Variants in ADAT3 observed in about 807,000 individuals in gnomAD.
The protein encoded by ADAT3 is adenosine deaminase tRNA specific 3, also known as tRNA-specific adenosine-34 deaminase regulatory subunit ADAT3.
ADAT3 carries 2 observed loss-of-function variants against 3.5 expected under a neutral mutation model. That is an observed-to-expected ratio of 0.57 (90% CI 0.23 to 1.79). ADAT3 has a LOEUF of 1.79. ADAT3 is among the 40% of genes most tolerant of loss of function. The probability of loss-of-function intolerance (pLI) is 0.18; values close to 1 mark genes in which losing one functional copy is unlikely to be tolerated. For missense variants in ADAT3, 735 were observed against 571.4 expected (o/e 1.29, Z -2.92); for synonymous variants, 358 against 270.3 (o/e 1.32, Z -3.18).
chr19:1,906,885 T>TGTGTGTGTGTGTGG, intron 1 of ADAT3: 1 of 137,852 alleles, frequency 7.3e-6, no homozygotes, highest in South Asian at 2.3e-4. Flanking sequence ...TGTGTGTGTG[T>TGTGTGTGTGTGTGG]GTGTAAAGAA....
At position 1,909,347 on chromosome 19, in the gene ADAT3, C is replaced by G. The variant is rs548996001; in HGVS notation, c.-158-2543C>G. 3.9e-5 allele frequency among the ~76,000 whole-genome samples: 6 copies of G among 152,336 alleles called. No individual in the cohort carries two copies. In the South Asian group the frequency reaches 1.0e-3, roughly 26 times the overall value. ...CACGCCTGCCTCTCTGCTGTGCTGTCTGCCCGCCTAGGGCAGGCTCCCTTC... is the reference window on the plus strand; with the variant it reads ...CACGCCTGCCTCTCTGCTGTGCTGTGTGCCCGCCTAGGGCAGGCTCCCTTC... On this transcript the variant is annotated intron_variant, in intron 1 of 1. Coordinates refer to ENST00000329478, the MANE Select transcript of ADAT3 (RefSeq NM_138422.4).
At position 1,912,587 on chromosome 19, in the gene ADAT3, C is replaced by T. The variant is rs954652845; in HGVS notation, c.540C>T (p.Leu180=). 183 of 1,494,648 alleles carry T rather than the reference C, an allele frequency of 1.2e-4. No individual in the cohort carries two copies. The highest frequency in any genetic ancestry group is 3.1e-4 in the Admixed American group (14 of 45,764). The allele number at this position is 1,494,648 out of a possible 1,614,324, so 92.6% of individuals were successfully genotyped here. A position where few individuals can be genotyped will look rare whatever the true frequency, so the allele number is the denominator to read the frequency against. ...KQVTSALAGR[L]FSTQERAAMQ... ...TGACCAGCGCCCTGGCTGGGCGGCTCTTCTCCACGCAGGAGCGCGCCGCCA... is the reference window on the plus strand; with the variant it reads ...TGACCAGCGCCCTGGCTGGGCGGCTTTTCTCCACGCAGGAGCGCGCCGCCA... Residue 180 remains leucine, a synonymous_variant, in exon 2 of 2, where the codon CTC becomes CTT. Coordinates refer to ENST00000329478, the MANE Select transcript of ADAT3 (RefSeq NM_138422.4).
At chr19:1,906,866 T>C (rs867401310) in intron 1 of ADAT3, 1 of 130,084 alleles carries the variant, frequency 7.7e-6, no homozygotes, top group Non-Finnish European at 1.6e-5. Context: ...AAAAAAAAAA[T>C]TGTGTGTGTG....
intron 1 of ADAT3, among the ~76,000 whole-genome samples, chr19:1,909,983 TG>T (rs2013352151): frequency 6.6e-6 from 1 of 152,088 alleles, no homozygotes; most frequent in African/African-American, 2.4e-5. Context: ...CCACTGGAGG[TG>T]GGTGTTCCGT....
intron 1 of ADAT3, among the ~76,000 whole-genome samples, chr19:1,909,497 C>T (rs931936150): frequency 1.3e-5 from 2 of 152,130 alleles, no homozygotes. Context: ...CTCCTGTCCT[C>T]ACCTGTGCCA....
Position 1,912,592 on chromosome 19 carries a change from C to G in ADAT3, c.545C>G (p.Ser182Cys), listed in dbSNP as rs1287323150. The G allele has an allele frequency of 2.3e-5, 35 of 1,493,242 alleles. No homozygotes were observed. In the African/African-American group the frequency reaches 4.1e-4, roughly 17 times the overall value. 92.5% of individuals were successfully genotyped at this position (1,493,242 alleles called of 1,614,324 possible). The change falls in exon 2 of 2, where the codon TCC (serine) becomes TGC (cysteine). Residue 182 changes from serine (S) to cysteine (C), a missense_variant. Transcript: ENST00000329478. ...AGCGCCCTGGCTGGGCGGCTCTTCT[C>G]CACGCAGGAGCGCGCCGCCATGCAG... ...VTSALAGRLF[S>C]TQERAAMQSH...
Position 1,908,210 on chromosome 19 carries a change from C to T in ADAT3, c.-159+2771C>T, listed in dbSNP as rs900146619. The T allele has an allele frequency of 1.9e-4, 54 of 277,400 alleles. No homozygotes were observed. The highest frequency in any genetic ancestry group is 1.3e-3 in the Middle Eastern group (1 of 754). The allele number at this position is 277,400 out of a possible 1,614,324, so 17.2% of individuals were successfully genotyped here. The stretch of plus-strand genomic sequence containing the variant: ...CTATGGGCCCCACCTGGCACGGGGC[C>T]TCGGGCAGCGGCAGCACCTGGCGCT... On this transcript the variant is annotated intron_variant, in intron 1 of 1. Transcript: ENST00000329478. This position sits in a 1 kb window ranked among gnomAD's most constrained non-coding sequence, Gnocchi z 4.2.
Position 1,909,320 on chromosome 19 carries a change from C to T in ADAT3, c.-158-2570C>T, listed in dbSNP as rs576289326. Among the ~76,000 whole-genome samples, 76 of 152,262 alleles carry T rather than the reference C, an allele frequency of 5.0e-4. No homozygotes were observed. The Middle Eastern group carries it at 0.01, about 20-fold the overall frequency. On this transcript the variant is annotated intron_variant, in intron 1 of 1. Transcript: ENST00000329478. ...GAGCAGTCCCTGCAGGCTGGCTGTCCCCACGCCTGCCTCTCTGCTGTGCTG... is the reference window on the plus strand; with the variant it reads ...GAGCAGTCCCTGCAGGCTGGCTGTCTCCACGCCTGCCTCTCTGCTGTGCTG...
rs1245847007 is a variant in ADAT3, at chr19:1,913,187, C to T, written c.*36C>T. The T allele has an allele frequency of 1.2e-5, 18 of 1,474,572 alleles. No homozygotes were observed. The highest frequency in any genetic ancestry group is 2.7e-5 in the South Asian group (2 of 72,914). 91.3% of individuals were successfully genotyped at this position (1,474,572 alleles called of 1,614,324 possible). A position where few individuals can be genotyped will look rare whatever the true frequency, so the allele number is the denominator to read the frequency against. On this transcript the variant is annotated 3_prime_UTR_variant, in exon 2 of 2. Transcript: ENST00000329478. ...CCTGCCTCCGGACCCTTCCCGCTCC[C>T]GGCCGTGGGGCGCCCCTCCTGGACT...
intron 1 of ADAT3, among the ~76,000 whole-genome samples, chr19:1,907,555 C>G (rs955970415): frequency 6.6e-6 from 1 of 152,150 alleles, no homozygotes; most frequent in African/African-American, 2.4e-5. Flanking sequence ...TCTGGGTGGA[C>G]ATACCCAGGT....
At chr19:1,910,168 T>C (rs2013363765) in intron 1 of ADAT3, among the ~76,000 whole-genome samples, 1 of 152,156 alleles carries the variant, frequency 6.6e-6, no homozygotes, top group Non-Finnish European at 1.5e-5. Context: ...GGCTCCTCTC[T>C]GCGGGGTCTC....
chr19:1,909,141 C>T (rs957405624), intron 1 of ADAT3, among the ~76,000 whole-genome samples: 1 of 151,310 alleles, frequency 6.6e-6, no homozygotes, highest in Non-Finnish European at 1.5e-5. Flanking sequence ...TGGTGGCTTA[C>T]GCCTGTAATC....
rs1406445412 is a variant in ADAT3, at chr19:1,912,753, C to G, written c.706C>G (p.Pro236Ala). The part of the protein sequence containing the change: ...TGHDCSCADN[P>A]LLHAVMVCVD... ...CCACGACTGCAGCTGCGCGGACAAC[C>G]CCCTCCTGCACGCCGTCATGGTGTG... Residue 236 changes from proline to alanine, a missense_variant, in exon 2 of 2, where the codon CCC becomes GCC. Physicochemically the swap from Pro to Ala is conservative, Grantham distance 27. Transcript: ENST00000329478. 1 of 1,551,292 alleles carries G rather than the reference C, an allele frequency of 6.4e-7. No homozygotes were observed. The highest frequency in any genetic ancestry group is 8.6e-7 in the Non-Finnish European group (1 of 1,156,426).
Position 1,908,594 on chromosome 19 carries a change from C to T in ADAT3, c.-159+3155C>T. 2.1e-6 allele frequency: 1 copy of T among 471,118 alleles called. No individual in the cohort carries two copies. Among genetic ancestry groups the T allele is most frequent in the South Asian group, 1.5e-5 (1 of 64,570 alleles). The allele number at this position is 471,118 out of a possible 1,614,324, so 29.2% of individuals were successfully genotyped here. On this transcript the variant is annotated intron_variant, in intron 1 of 1. Coordinates refer to ENST00000329478, the MANE Select transcript of ADAT3 (RefSeq NM_138422.4). The surrounding 1 kb of genome is among the most constrained non-coding windows in gnomAD (Gnocchi z 4.2). ...ATCTGCGGCTTAGCCCCAGCACCAT[C>T]TGAGGCAGTACTGTCTGCTAGAAAT...
chr19:1,913,166 C>T lies in ADAT3; in HGVS notation c.*15C>T, dbSNP rs1385776502. On this transcript the variant is annotated 3_prime_UTR_variant, in exon 2 of 2. Coordinates refer to ENST00000329478, the MANE Select transcript of ADAT3 (RefSeq NM_138422.4). Reference sequence around the variant, plus strand: ...CCGACACGTAGGCGCCGCCCTCCTGCCTCCGGACCCTTCCCGCTCCCGGCC... The same window carrying T: ...CCGACACGTAGGCGCCGCCCTCCTGTCTCCGGACCCTTCCCGCTCCCGGCC... 6.6e-7 allele frequency: 1 copy of T among 1,505,740 alleles called. No individual in the cohort carries two copies. The highest frequency in any genetic ancestry group is 2.5e-5 in the East Asian group (1 of 40,394). The allele number at this position is 1,505,740 out of a possible 1,614,324, so 93.3% of individuals were successfully genotyped here. A position where few individuals can be genotyped will look rare whatever the true frequency, so the allele number is the denominator to read the frequency against.
At chr19:1,909,541 G>A (rs536056008) in intron 1 of ADAT3, among the ~76,000 whole-genome samples, 1 of 152,186 alleles carries the variant, frequency 6.6e-6, no homozygotes, top group South Asian at 2.1e-4. Flanking sequence ...ACTGCCTCCC[G>A]TCCTCACCTG....
rs1319198412 is a variant in ADAT3 at position 1,912,836 on chromosome 19, C to T, written c.789C>T (p.Pro263=). 3.8e-6 allele frequency: 6 copies of T among 1,593,440 alleles called. No individual in the cohort carries two copies. Among genetic ancestry groups the T allele is most frequent in the South Asian group, 1.1e-5 (1 of 90,466 alleles). The change falls in exon 2 of 2, where the codon CCC becomes CCT. Residue 263 remains proline, a synonymous_variant. Coordinates refer to ENST00000329478, the MANE Select transcript of ADAT3 (RefSeq NM_138422.4). ...GRGTYDFRPF[P]ACSFAPAAAP... Reference sequence around the variant, plus strand: ...GCACCTACGACTTCAGACCCTTCCCCGCCTGCTCCTTCGCCCCGGCCGCTG... The same window carrying T: ...GCACCTACGACTTCAGACCCTTCCCTGCCTGCTCCTTCGCCCCGGCCGCTG...
At chr19:1,910,646 G>A (rs1297275784) in intron 1 of ADAT3, among the ~76,000 whole-genome samples, 4 of 149,086 alleles carry the variant, frequency 2.7e-5, no homozygotes, top group South Asian at 2.1e-4. Flanking sequence ...GCACGATCTC[G>A]GCTCACTGCA....
chr19:1,911,902 C>T lies in ADAT3; in HGVS notation c.-146C>T, dbSNP rs1777754638. ...CTGTGCACACCAGGGGTTAGCAGGACATGAGGGAGTGTAGCTCTGATGCGG... is the reference window on the plus strand; with the variant it reads ...CTGTGCACACCAGGGGTTAGCAGGATATGAGGGAGTGTAGCTCTGATGCGG... On this transcript the variant is annotated 5_prime_UTR_variant, in exon 2 of 2. Coordinates refer to ENST00000329478, the MANE Select transcript of ADAT3 (RefSeq NM_138422.4). 9.7e-7 allele frequency: 1 copy of T among 1,035,454 alleles called. No homozygotes were observed. The highest frequency in any genetic ancestry group is 1.7e-5 in the African/African-American group (1 of 58,860). The allele number at this position is 1,035,454 out of a possible 1,614,324, so 64.1% of individuals were successfully genotyped here. A position where few individuals can be genotyped will look rare whatever the true frequency, so the allele number is the denominator to read the frequency against.
Sources: gnomAD v4.1 joint callset for allele counts (sites outside exome capture counted in the v4.1 genomes callset) on GRCh38, gnomAD v4.1.1 for gene constraint, Gnocchi (gnomAD v3.1) non-coding constraint, MANE v1.5 for transcripts, NCBI Gene and HGNC (gene_info 2026-07-23, HGNC 2026-07-21) for gene names.